WDR12: variants seen among roughly 807,000 people sequenced by gnomAD.
WDR12 encodes WD repeat domain 12.
In WDR12, 42 loss-of-function variants were observed where a neutral mutation model predicts 64.3. The ratio of observed to expected loss-of-function variants is 0.65; its 90% CI spans 0.51 to 0.84. WDR12 has a LOEUF of 0.84. Among genes scored for constraint, WDR12 ranks in the 40% least tolerant of loss-of-function variants. The pLI, the probability that WDR12 is intolerant of heterozygous loss-of-function variation, is 0.00. For missense variants in WDR12, 469 were observed against 494.6 expected (o/e 0.95, Z 0.49); for synonymous variants, 158 against 173.3 (o/e 0.91, Z 0.70).
rs1197803444 is a variant in WDR12, at chr2:202,876,444, G to C, written c.*4416C>G. The C allele has an allele frequency of 6.6e-6, 1 of 152,162 alleles. No individual in the cohort carries two copies. Among genetic ancestry groups the C allele is most frequent in the Non-Finnish European group, 1.5e-5 (1 of 68,022 alleles). The allele number at this position is 152,162 out of a possible 1,614,324, so 9.4% of individuals were successfully genotyped here. On this transcript the variant is annotated 3_prime_UTR_variant, in exon 13 of 13. Transcript: ENST00000261015. ...GATAGTCAAAAATGTCAACAATGAA[G>C]TGACTAAAATGTTCTTGCTGTTTCT...
intron 6 of WDR12, among the ~76,000 whole-genome samples, chr2:202,895,642 C>T (rs1373608569): frequency 6.6e-6 from 1 of 150,378 alleles, no homozygotes; most frequent in African/African-American, 2.4e-5. Flanking sequence ...CCTACCTCAG[C>T]CTCCCGAGTA....
At position 202,884,222 on chromosome 2, in the gene WDR12, TGA is replaced by T; in HGVS notation, c.962_963del (p.Ile321LysfsTer8). On this transcript the variant is annotated frameshift_variant, in exon 10 of 13. Coordinates refer to ENST00000261015, the MANE Select transcript of WDR12 (RefSeq NM_018256.4). LOFTEE classifies it high-confidence loss of function. ...CCTTTAGTTCGGGGATCCCACAGTCTGATATGCCTATCTGTGCTTCCAGATGC... is the reference window on the plus strand; with the variant it reads ...CCTTTAGTTCGGGGATCCCACAGTCTTATGCCTATCTGTGCTTCCAGATGC... ...RLASGSTDRH[I>X]RLWDPRTKDG... The T allele has an allele frequency of 2.5e-6, 4 of 1,613,272 alleles. No individual in the cohort carries two copies. The highest frequency in any genetic ancestry group is 3.4e-6 in the Non-Finnish European group (4 of 1,180,018).
intron 12 of WDR12, 47 bp downstream of exon 12, chr2:202,882,664 T>C: frequency 6.4e-7 from 1 of 1,572,658 alleles, no homozygotes; most frequent in Non-Finnish European, 8.7e-7. Flanking sequence ...AACACCAGAT[T>C]TATTCTAGTC....
At chr2:202,888,663 A>G (rs762359920) in intron 8 of WDR12, among the ~76,000 whole-genome samples, 8 of 152,172 alleles carry the variant, frequency 5.3e-5, no homozygotes, top group Non-Finnish European at 1.2e-4. Context: ...GAAGATACCT[A>G]TTTTTGATAT....
Position 202,911,649 on chromosome 2 carries a change from A to G in WDR12, c.-173T>C. On this transcript the variant is annotated 5_prime_UTR_variant, in exon 1 of 13. Transcript: ENST00000261015. ...CCTTCTGCCCTCCGGTCTCCTCTGC[A>G]GAAAGCACGAGGTTGCCCTTCTACA... 1 of 643,612 alleles carries G rather than the reference A, an allele frequency of 1.6e-6. No individual in the cohort carries two copies. Among genetic ancestry groups the G allele is most frequent in the South Asian group, 1.8e-5 (1 of 55,512 alleles). 39.9% of individuals were successfully genotyped at this position (643,612 alleles called of 1,614,324 possible). A position where few individuals can be genotyped will look rare whatever the true frequency, so the allele number is the denominator to read the frequency against.
rs563613822 is a variant in WDR12, at chr2:202,899,518, A to C, written c.338+13T>G. 1.6e-5 allele frequency: 25 copies of C among 1,606,968 alleles called. No homozygotes were observed. Among genetic ancestry groups the C allele is most frequent in the Non-Finnish European group, 2.1e-5 (25 of 1,176,076 alleles). ...AAAACAAAAAAAAGAGAAGGGCATTAATCTGGCAATACCATTCCTCTGCCC... is the reference window on the plus strand; with the variant it reads ...AAAACAAAAAAAAGAGAAGGGCATTCATCTGGCAATACCATTCCTCTGCCC... On this transcript the variant is annotated intron_variant, in intron 4 of 12. Transcript: ENST00000261015.
At chr2:202,909,962 A>T (rs1385833316) in intron 1 of WDR12, among the ~76,000 whole-genome samples, 1 of 151,706 alleles carries the variant, frequency 6.6e-6, no homozygotes, top group East Asian at 1.9e-4. Context: ...TGCCTGGCAA[A>T]TTTTTTGTAT....
At chr2:202,894,474 G>A in intron 7 of WDR12, 107 bp downstream of exon 7, 1 of 918,482 alleles carries the variant, frequency 1.1e-6, no homozygotes, top group South Asian at 1.9e-5. Context: ...CTTCTACCCT[G>A]GCTTCCTGAA....
chr2:202,889,002 A>T (rs566393025), intron 8 of WDR12, among the ~76,000 whole-genome samples: 1 of 152,112 alleles, frequency 6.6e-6, no homozygotes, highest in Non-Finnish European at 1.5e-5. Flanking sequence ...TCGGGCCCCA[A>T]ATTTTTCTAT....
At chr2:202,902,795 A>G (rs186172893) in intron 2 of WDR12, among the ~76,000 whole-genome samples, 2 of 151,890 alleles carry the variant, frequency 1.3e-5, no homozygotes, top group African/African-American at 2.4e-5. Flanking sequence ...GTGAGTCAAT[A>G]CTCCTTAATA....
chr2:202,894,675 T>A, intron 6 of WDR12, 49 bp from the exon 7 acceptor site: 4 of 1,505,580 alleles, frequency 2.7e-6, no homozygotes, highest in Non-Finnish European at 3.6e-6. Context: ...ATGATTCATA[T>A]TATTTGCCTA....
At chr2:202,894,106 T>A (rs1233211287) in intron 7 of WDR12, among the ~76,000 whole-genome samples, 2 of 151,770 alleles carry the variant, frequency 1.3e-5, no homozygotes, top group Non-Finnish European at 2.9e-5. Context: ...AGTAAGGGGG[T>A]GGTGGGGTAG....
At chr2:202,894,711 G>C in intron 6 of WDR12, 85 bp from the exon 7 acceptor site, 2 of 1,134,954 alleles carry the variant, frequency 1.8e-6, no homozygotes, top group South Asian at 3.3e-5. Context: ...TCCTCATTCA[G>C]GACCTTTTCA....
Position 202,875,660 on chromosome 2 carries a change from T to C in WDR12, c.*5200A>G, listed in dbSNP as rs1447646476. On this transcript the variant is annotated 3_prime_UTR_variant, in exon 13 of 13. Coordinates refer to ENST00000261015, the MANE Select transcript of WDR12 (RefSeq NM_018256.4). ...ACCTCAGCCTCCCAAAATGTTGGGA[T>C]TACAGGCGTTAGCCACGGCGCCCAG... The C allele has an allele frequency of 6.6e-6, 1 of 152,238 alleles. No homozygotes were observed. Among genetic ancestry groups the C allele is most frequent in the Non-Finnish European group, 1.5e-5 (1 of 68,062 alleles). 9.4% of individuals were successfully genotyped at this position (152,238 alleles called of 1,614,324 possible). A position where few individuals can be genotyped will look rare whatever the true frequency, so the allele number is the denominator to read the frequency against.
chr2:202,910,557 C>A (rs1361706996), intron 1 of WDR12, among the ~76,000 whole-genome samples: 1 of 151,956 alleles, frequency 6.6e-6, no homozygotes, highest in African/African-American at 2.4e-5. Context: ...AAAAAAAGCC[C>A]CACATATTTC....
rs1239473321 is a variant in WDR12, at chr2:202,876,663, C to G, written c.*4197G>C. ...TAAAAAATCTGTATTTTTGGCCAGG[C>G]ACAGTGGCATGCCTATAATCCGAGC... On this transcript the variant is annotated 3_prime_UTR_variant, in exon 13 of 13. Coordinates refer to ENST00000261015, the MANE Select transcript of WDR12 (RefSeq NM_018256.4). The G allele has an allele frequency of 6.6e-6, 1 of 152,160 alleles. No individual in the cohort carries two copies. The highest frequency in any genetic ancestry group is 1.5e-5 in the Non-Finnish European group (1 of 68,040). The allele number at this position is 152,160 out of a possible 1,614,324, so 9.4% of individuals were successfully genotyped here.
At position 202,878,220 on chromosome 2, in the gene WDR12, G is replaced by A. The variant is rs1460789215; in HGVS notation, c.*2640C>T. ...CATTTTATTCTTTGTCTATGCATCT[G>A]ATATATAGGCTTCTTTATCTTTAAC... is the stretch of plus-strand genomic sequence containing the variant. On this transcript the variant is annotated 3_prime_UTR_variant, in exon 13 of 13. Transcript: ENST00000261015. 1 of 152,208 alleles carries A rather than the reference G, an allele frequency of 6.6e-6. No homozygotes were observed. Among genetic ancestry groups the A allele is most frequent in the Non-Finnish European group, 1.5e-5 (1 of 68,044 alleles). 9.4% of individuals were successfully genotyped at this position (152,208 alleles called of 1,614,324 possible). A position where few individuals can be genotyped will look rare whatever the true frequency, so the allele number is the denominator to read the frequency against.
chr2:202,890,922 A>G (rs1341331609), intron 8 of WDR12, among the ~76,000 whole-genome samples: 1 of 142,638 alleles, frequency 7.0e-6, no homozygotes, highest in Non-Finnish European at 1.5e-5. Context: ...TGAGGCCAGG[A>G]GTTTGAGGTT....
rs1454025426 is a variant in WDR12, at chr2:202,879,294, G to C, written c.*1566C>G. ...AATCCGCCCGCCTCAGCCTCCCAAA[G>C]TGCTGGGATTACAGGCGTGAGCCAC... On this transcript the variant is annotated 3_prime_UTR_variant, in exon 13 of 13. Coordinates refer to ENST00000261015, the MANE Select transcript of WDR12 (RefSeq NM_018256.4). The C allele has an allele frequency of 6.6e-6, 1 of 152,262 alleles. No homozygotes were observed. The highest frequency in any genetic ancestry group is 1.9e-4 in the East Asian group (1 of 5,202). The allele number at this position is 152,262 out of a possible 1,614,324, so 9.4% of individuals were successfully genotyped here.
Sources: allele counts gnomAD v4.1 joint callset (sites outside exome capture counted in the v4.1 genomes callset), GRCh38; gene constraint gnomAD v4.1.1; transcripts MANE v1.5; gene names NCBI Gene and HGNC (gene_info 2026-07-23, HGNC 2026-07-21).